The following ANO10 variants were observed in gnomAD, a reference collection of about 807,000 sequenced individuals.
ANO10 encodes anoctamin-10.
ANO10 carries 77 observed loss-of-function variants against 74.7 expected under a neutral mutation model. That is an observed-to-expected ratio of 1.03 (90% CI 0.86 to 1.25). ANO10 has a LOEUF of 1.25. Among genes scored for constraint, ANO10 ranks in the 50% most tolerant of loss-of-function variants. The probability of loss-of-function intolerance (pLI) is 0.00; values close to 1 mark genes in which losing one functional copy is unlikely to be tolerated. For synonymous variants in ANO10, 279 were observed against 284.9 expected (o/e 0.98, Z 0.21); for missense variants, 721 against 778.1 (o/e 0.93, Z 0.87).
At chr3:43,465,893 A>G (rs1274161850) in intron 11 of ANO10, among the ~76,000 whole-genome samples, 3 of 152,228 alleles carry the variant, frequency 2.0e-5, no homozygotes, top group African/African-American at 7.2e-5. Flanking sequence ...AACATTCAAT[A>G]TTGTTAAAAT....
intron 4 of ANO10, among the ~76,000 whole-genome samples, chr3:43,593,918 C>A (rs967998258): frequency 1.3e-5 from 2 of 152,130 alleles, no homozygotes; most frequent in East Asian, 3.9e-4. Flanking sequence ...GGAGGAGGAT[C>A]TACCAAGCAA....
At chr3:43,542,302 G>C (rs2078992551) in intron 11 of ANO10, among the ~76,000 whole-genome samples, 1 of 152,164 alleles carries the variant, frequency 6.6e-6, no homozygotes, top group Admixed American at 6.5e-5. Flanking sequence ...TGAATGAGAG[G>C]GAGGGAGGGC....
chr3:43,547,583 T>C (rs1304877345), intron 11 of ANO10, among the ~76,000 whole-genome samples: 1 of 151,924 alleles, frequency 6.6e-6, no homozygotes, highest in African/African-American at 2.4e-5. Context: ...GAAGAGACAA[T>C]AAATAAATAA....
chr3:43,680,234 T>C (rs2084176399), intron 1 of ANO10, among the ~76,000 whole-genome samples: 1 of 147,018 alleles, frequency 6.8e-6, no homozygotes, highest in South Asian at 2.2e-4. Flanking sequence ...TGCAGAGGAG[T>C]CCTTAAAGGA....
At position 43,600,571 on chromosome 3, in the gene ANO10, C is replaced by G; in HGVS notation, c.150G>C (p.Leu50Phe). The G allele has an allele frequency of 1.2e-6, 2 of 1,610,516 alleles. No homozygotes were observed. Among genetic ancestry groups the G allele is most frequent in the Non-Finnish European group, 1.7e-6 (2 of 1,176,818 alleles). Residue 50 changes from leucine (L) to phenylalanine (F), a missense_variant, in exon 3 of 13, where the codon TTG (leucine) becomes TTC (phenylalanine). Transcript: ENST00000292246. ...IAKKKDGGAQ[L>F]LFRPLLNKYE... ...ATTTATTTAACAATGGTCTAAACAA[C>G]AACTGGGCACCTTCAAAAACAAAAG...
intron 1 of ANO10, among the ~76,000 whole-genome samples, chr3:43,672,262 G>A (rs539074312): frequency 5.9e-5 from 9 of 152,264 alleles, no homozygotes; most frequent in African/African-American, 1.4e-4. Context: ...GGTGGTTCAC[G>A]CCTGTAATCC....
chr3:43,542,814 C>T (rs1030257563), intron 11 of ANO10, among the ~76,000 whole-genome samples: 2 of 152,234 alleles, frequency 1.3e-5, no homozygotes, highest in African/African-American at 2.4e-5. Context: ...CTGCAGCTCA[C>T]ATCCCCTGTG....
chr3:43,688,615 G>A (rs565501823), intron 1 of ANO10, among the ~76,000 whole-genome samples: 31 of 152,170 alleles, frequency 2.0e-4, no homozygotes, highest in Non-Finnish European at 3.4e-4. Flanking sequence ...GGCAGTGGAG[G>A]GAGGATCATT....
intron 8 of ANO10, among the ~76,000 whole-genome samples, chr3:43,563,524 G>A (rs1337707009): frequency 6.7e-6 from 1 of 149,664 alleles, no homozygotes; most frequent in Non-Finnish European, 1.5e-5. Flanking sequence ...GAAAAGAAAT[G>A]AGCATATCAA....
chr3:43,675,141 A>G (rs2084107195), intron 1 of ANO10, among the ~76,000 whole-genome samples: 2 of 152,198 alleles, frequency 1.3e-5, no homozygotes, highest in Non-Finnish European at 2.9e-5. Context: ...TGTTTTTCCA[A>G]TATATGGTGT....
At chr3:43,594,870 A>T (rs2081996820) in intron 4 of ANO10, among the ~76,000 whole-genome samples, 1 of 152,220 alleles carries the variant, frequency 6.6e-6, no homozygotes, top group Admixed American at 6.5e-5. Context: ...CGCTAGCAAG[A>T]CTAATAAAGA....
At chr3:43,486,415 A>G (rs1029445708) in intron 11 of ANO10, among the ~76,000 whole-genome samples, 2 of 151,304 alleles carry the variant, frequency 1.3e-5, no homozygotes, top group East Asian at 1.9e-4. Context: ...CCATTTTCAC[A>G]ATATTGATTC....
chr3:43,555,513 A>G (rs1342485050), intron 9 of ANO10, 44 bp from the exon 10 acceptor site: 1 of 1,583,918 alleles, frequency 6.3e-7, no homozygotes, highest in Middle Eastern at 1.7e-4. Flanking sequence ...ATCATACAAT[A>G]GGAATATCCT....
chr3:43,639,741 A>C (rs140264182), intron 1 of ANO10, among the ~76,000 whole-genome samples: 2,822 of 151,264 alleles, frequency 0.019, 57 homozygotes, highest in Non-Finnish European at 0.029. Context: ...GCACCACAGC[A>C]CTCCAGCCTG....
intron 11 of ANO10, among the ~76,000 whole-genome samples, chr3:43,480,144 G>C (rs996759610): frequency 3.9e-5 from 6 of 152,098 alleles, no homozygotes; most frequent in Non-Finnish European, 5.9e-5. Context: ...TAGAAGAATT[G>C]GGAAATACAG....
intron 11 of ANO10, among the ~76,000 whole-genome samples, chr3:43,473,237 C>G (rs1206116328): frequency 6.6e-6 from 1 of 152,066 alleles, no homozygotes; most frequent in African/African-American, 2.4e-5. Context: ...TCTCTGGTCT[C>G]TTTTAAACGT....
At chr3:43,534,851 C>A (rs189491125) in intron 11 of ANO10, among the ~76,000 whole-genome samples, 1 of 152,320 alleles carries the variant, frequency 6.6e-6, no homozygotes, top group East Asian at 1.9e-4. Context: ...CAAACCAGTA[C>A]AGGTCAAAGC....
intron 11 of ANO10, among the ~76,000 whole-genome samples, chr3:43,452,651 T>C (rs1049173531): frequency 6.6e-6 from 1 of 152,234 alleles, no homozygotes; most frequent in Non-Finnish European, 1.5e-5. Context: ...AATGTGCAAG[T>C]TTTTGTGCAG....
intron 1 of ANO10, among the ~76,000 whole-genome samples, chr3:43,669,538 T>C (rs781301203): frequency 6.6e-6 from 1 of 152,158 alleles, no homozygotes; most frequent in Non-Finnish European, 1.5e-5. Context: ...TGATTTTCTG[T>C]ATTTGCTGCC....
Sources: allele counts gnomAD v4.1 joint callset (sites outside exome capture counted in the v4.1 genomes callset), GRCh38; gene constraint gnomAD v4.1.1; transcripts MANE v1.5; gene names NCBI Gene and HGNC (gene_info 2026-07-23, HGNC 2026-07-21).